Variants in CELF2 observed in about 807,000 individuals in gnomAD.
CELF2 encodes the protein CUG triplet repeat RNA-binding protein 2.
A neutral mutation model predicts 62.6 loss-of-function variants in CELF2; 8 were observed. That is an observed-to-expected ratio of 0.13 (90% CI 0.07 to 0.23). The LOEUF (loss-of-function observed/expected upper bound fraction) is 0.23, where lower values mean the gene tolerates loss of function less well. Ranked by LOEUF, CELF2 falls within the 10% of genes least tolerant of loss-of-function variation. The pLI is 1.00. For synonymous variants in CELF2, 258 were observed against 250.0 expected (o/e 1.03, Z -0.30); for missense variants, 333 against 671.0 (o/e 0.50, Z 5.56).
chr10:11,159,095 C>T lies in CELF2; in HGVS notation c.75-6391C>T, dbSNP rs1428318751. The stretch of plus-strand genomic sequence containing the variant: ...CTGGTCAATTTTCCATGTGGATTCA[C>T]TAGCTGATGTGTGGCCATCTCAGAG... On this transcript the variant is annotated intron_variant, in intron 1 of 12. Coordinates refer to ENST00000633077, the MANE Select transcript of CELF2 (RefSeq NM_001326342.2). The surrounding 1 kb of genome is among the most constrained non-coding windows in gnomAD (Gnocchi z 5.0). Among the ~76,000 whole-genome samples the T allele has an allele frequency of 6.6e-6, 1 of 152,176 alleles. No individual in the cohort carries two copies.
chr10:10,490,451 C>T, the CELF2 span, among the ~76,000 whole-genome samples: 2 of 152,062 alleles, frequency 1.3e-5, no homozygotes, highest in African/African-American at 4.8e-5. Context: ...AAAGGATATT[C>T]ACTGCAGAGT....
chr10:10,719,612 C>T, the CELF2 span, among the ~76,000 whole-genome samples: 7 of 152,154 alleles, frequency 4.6e-5, no homozygotes, highest in Non-Finnish European at 8.8e-5. Context: ...TAGCCAAGCA[C>T]TCTCTTCAGT....
chr10:10,857,552 G>A (rs909939957), intron 1 of CELF2, among the ~76,000 whole-genome samples: 2 of 149,922 alleles, frequency 1.3e-5, no homozygotes, highest in African/African-American at 2.5e-5. Context: ...CAAATACTCA[G>A]TCAAACATTA....
intron 1 of CELF2, among the ~76,000 whole-genome samples, chr10:10,802,145 A>G (rs2054730534): frequency 6.6e-6 from 1 of 152,228 alleles, no homozygotes; most frequent in African/African-American, 2.4e-5. Flanking sequence ...TACACAGAAG[A>G]AAAAAGTTGA....
chr10:10,499,880 T>C, the CELF2 span, among the ~76,000 whole-genome samples: 1 of 152,052 alleles, frequency 6.6e-6, no homozygotes, highest in Admixed American at 6.5e-5. Context: ...TCTTGTCTTG[T>C]GGGGGAAAAA....
rs147946072 is a variant in CELF2 at position 11,005,869 on chromosome 10, G to A, written c.53+429G>A. Among the ~76,000 whole-genome samples, 291 of 152,234 alleles carry A rather than the reference G, an allele frequency of 1.9e-3. No individual in the cohort carries two copies. The highest frequency in any genetic ancestry group is 5.3e-3 in the African/African-American group (221 of 41,540). On this transcript the variant is annotated intron_variant, in intron 1 of 12. Transcript: ENST00000416382. The surrounding 1 kb of genome is among the most constrained non-coding windows in gnomAD (Gnocchi z 4.3). ...ATATTAGACTTGCGTTCCAAATACCGCTCTAATCTGGACTTAGCCTACCTA... is the reference window on the plus strand; with the variant it reads ...ATATTAGACTTGCGTTCCAAATACCACTCTAATCTGGACTTAGCCTACCTA...
intron 4 of CELF2, among the ~76,000 whole-genome samples, chr10:11,252,865 T>C (rs1453393576): frequency 6.6e-6 from 1 of 152,144 alleles, no homozygotes; most frequent in South Asian, 2.1e-4. Context: ...AGAATCCGCC[T>C]TTTTTGTTAT....
the CELF2 span, among the ~76,000 whole-genome samples, chr10:10,696,366 A>G: frequency 1.3e-5 from 2 of 151,654 alleles, no homozygotes; most frequent in African/African-American, 4.9e-5. Context: ...CCGTTCTCAG[A>G]TCTCCAGCTG....
intron 1 of CELF2, among the ~76,000 whole-genome samples, chr10:10,908,259 G>T (rs866771978): frequency 7.6e-5 from 8 of 105,766 alleles, no homozygotes; most frequent in Admixed American, 1.5e-4. Flanking sequence ...TTGCTCTGTC[G>T]CCGAGGCTGG....
At chr10:11,170,752 G>A (rs922300586) in intron 2 of CELF2, among the ~76,000 whole-genome samples, 2 of 152,130 alleles carry the variant, frequency 1.3e-5, no homozygotes, top group Non-Finnish European at 2.9e-5. Context: ...GTGTTCAAGC[G>A]AGACCATACT....
Position 11,075,288 on chromosome 10 carries a change from G to A in CELF2, c.74+57125G>A, listed in dbSNP as rs965635145. On this transcript the variant is annotated intron_variant, in intron 1 of 12. Coordinates refer to ENST00000633077, the MANE Select transcript of CELF2 (RefSeq NM_001326342.2). The surrounding 1 kb of genome is among the most constrained non-coding windows in gnomAD (Gnocchi z 5.4). ...ATACTTCTTTTACTAAATAGCAAAA[G>A]CATAATGCCCTTTCAGCATTCCTCT... The A allele has an allele frequency of 1.3e-5, 2 of 152,168 alleles. No homozygotes were observed. The highest frequency in any genetic ancestry group is 4.8e-5 in the African/African-American group (2 of 41,442). The allele number at this position is 152,168 out of a possible 1,614,324, so 9.4% of individuals were successfully genotyped here. A position where few individuals can be genotyped will look rare whatever the true frequency, so the allele number is the denominator to read the frequency against.
At position 11,128,128 on chromosome 10, in the gene CELF2, T is replaced by C. The variant is rs983247328; in HGVS notation, c.75-37358T>C. On this transcript the variant is annotated intron_variant, in intron 1 of 12. Coordinates refer to ENST00000633077, the MANE Select transcript of CELF2 (RefSeq NM_001326342.2). ...AGCCAGTTTTCCCAGCACCATTTATTAAATAGGAAATCCCTTCCCCATTGC... is the reference window on the plus strand; with the variant it reads ...AGCCAGTTTTCCCAGCACCATTTATCAAATAGGAAATCCCTTCCCCATTGC... Among the ~76,000 whole-genome samples the C allele has an allele frequency of 7.2e-5, 11 of 152,354 alleles. No individual in the cohort carries two copies. The East Asian group carries it at 2.1e-3, about 29-fold the overall frequency.
upstream of CELF2, among the ~76,000 whole-genome samples, chr10:11,017,076 A>G (rs1214421958): frequency 6.6e-6 from 1 of 152,248 alleles, no homozygotes; most frequent in Non-Finnish European, 1.5e-5. This position sits in a 1 kb window ranked among gnomAD's most constrained non-coding sequence, Gnocchi z 5.5. Flanking sequence ...TCCAGAACTT[A>G]TGCAAATCAC....
the CELF2 span, among the ~76,000 whole-genome samples, chr10:10,479,485 A>T: frequency 6.6e-6 from 1 of 152,156 alleles, no homozygotes; most frequent in Non-Finnish European, 1.5e-5. Flanking sequence ...CTAATTTTCA[A>T]ACTACACGGA....
In CELF2 at chr10:11,260,342, CTCTG is replaced by C. The variant is rs1565613228; in HGVS notation, c.538+2477_538+2480del. On this transcript the variant is annotated intron_variant, in intron 5 of 12. Transcript: ENST00000633077. The surrounding 1 kb of genome is among the most constrained non-coding windows in gnomAD (Gnocchi z 4.2). ...AGGCAGTGACTCTCTGGCACATTTT[CTCTG>C]TCTGTCCAGTGGGGACAGTAATGAA... is the stretch of plus-strand genomic sequence containing the variant. 6.6e-6 allele frequency among the ~76,000 whole-genome samples: 1 copy of C among 152,240 alleles called. No individual in the cohort carries two copies. The highest frequency in any genetic ancestry group is 2.4e-5 in the African/African-American group (1 of 41,468).
chr10:10,793,165 C>T, the CELF2 span, among the ~76,000 whole-genome samples: 3 of 152,130 alleles, frequency 2.0e-5, no homozygotes, highest in African/African-American at 7.2e-5. Context: ...TCAAATGTCC[C>T]ATAATAGCAA....
the CELF2 span, among the ~76,000 whole-genome samples, chr10:10,597,957 C>T: frequency 6.6e-6 from 1 of 152,076 alleles, no homozygotes; most frequent in Admixed American, 6.5e-5. Flanking sequence ...TAGGCATGAG[C>T]CCTTTAATGA....
At chr10:11,106,245 T>G (rs983781330) in intron 1 of CELF2, among the ~76,000 whole-genome samples, 18 of 143,700 alleles carry the variant, frequency 1.3e-4, no homozygotes, top group African/African-American at 3.8e-4. Flanking sequence ...ATTTATTTAT[T>G]TATTTTTGAG....
chr10:11,230,435 C>T (rs1176773551), intron 3 of CELF2, among the ~76,000 whole-genome samples: 4 of 152,182 alleles, frequency 2.6e-5, no homozygotes, highest in African/African-American at 9.7e-5. Context: ...AGGGCAACCC[C>T]GTTTGTGTGT....
Sources: allele counts gnomAD v4.1 joint callset (sites outside exome capture counted in the v4.1 genomes callset), GRCh38; gene constraint gnomAD v4.1.1; non-coding constraint Gnocchi (gnomAD v3.1); transcripts MANE v1.5; gene names NCBI Gene and HGNC (gene_info 2026-07-23, HGNC 2026-07-21).